ABTB2: variants seen among roughly 807,000 people sequenced by gnomAD.
ABTB2 encodes ankyrin repeat and BTB domain containing 2, also known as ankyrin repeat and BTB/POZ domain-containing protein 2.
In ABTB2, 56 loss-of-function variants were observed where a neutral mutation model predicts 104.1. The ratio of observed to expected loss-of-function variants is 0.54; its 90% CI spans 0.43 to 0.67. The LOEUF is 0.67. Ranked by LOEUF, ABTB2 falls within the 30% of genes least tolerant of loss-of-function variation. The probability of loss-of-function intolerance (pLI) is 0.00; values close to 1 mark genes in which losing one functional copy is unlikely to be tolerated. For missense variants in ABTB2, 1,279 were observed against 1,407.7 expected (o/e 0.91, Z 1.46); for synonymous variants, 606 against 608.2 (o/e 1.00, Z 0.05).
intron 1 of ABTB2, among the ~76,000 whole-genome samples, chr11:34,284,624 G>T (rs554533419): frequency 6.6e-6 from 1 of 152,390 alleles, no homozygotes; most frequent in African/African-American, 2.4e-5. Flanking sequence ...CTTAGGGTGA[G>T]TTGTTGACGG....
At chr11:34,318,713 G>T (rs1030758362) in intron 1 of ABTB2, among the ~76,000 whole-genome samples, 7 of 152,204 alleles carry the variant, frequency 4.6e-5, no homozygotes, top group Admixed American at 2.0e-4. Flanking sequence ...GAGTCCAGAG[G>T]ATTATTTTCC....
intron 1 of ABTB2, among the ~76,000 whole-genome samples, chr11:34,329,469 G>A (rs1249769339): frequency 6.6e-6 from 1 of 152,170 alleles, no homozygotes; most frequent in African/African-American, 2.4e-5. Flanking sequence ...AGGCCATGAG[G>A]GCTCCCAACC....
chr11:34,195,078 G>T lies in ABTB2; in HGVS notation c.1244+2247C>A, dbSNP rs28433394. Among the ~76,000 whole-genome samples, 178 of 99,612 alleles carry T rather than the reference G, an allele frequency of 1.8e-3. 12 individuals carry two copies. Among genetic ancestry groups the T allele is most frequent in the African/African-American group, 5.6e-3 (164 of 29,468 alleles). The allele number at this position is 99,612 out of a possible 152,430, so 65.3% of individuals were successfully genotyped here. A position where few individuals can be genotyped will look rare whatever the true frequency, so the allele number is the denominator to read the frequency against. On this transcript the variant is annotated intron_variant, in intron 3 of 16. Coordinates refer to ENST00000435224, the MANE Select transcript of ABTB2 (RefSeq NM_145804.3). Reference sequence around the variant, plus strand: ...AGGACATGACAAAGATGCCCGGCGGGGGGGGGGAGTGGGGGCGGGAGAAAG... The same window carrying T: ...AGGACATGACAAAGATGCCCGGCGGTGGGGGGGAGTGGGGGCGGGAGAAAG...
rs201189199 is a variant in ABTB2 at position 34,161,162 on chromosome 11, ACTCT to A, written c.2219-85_2219-82del. The stretch of plus-strand genomic sequence containing the variant: ...ACAGACCACAGCCTTTTCTGGGCAG[ACTCT>A]CTCGGGATGCCCCCGCTGTCTGCAG... On this transcript the variant is annotated intron_variant, in intron 10 of 16. Transcript: ENST00000435224. The A allele has an allele frequency of 2.1e-3, 2,861 of 1,371,594 alleles. 46 individuals are homozygous for A. The African/African-American group carries it at 0.034, about 16-fold the overall frequency. The allele number at this position is 1,371,594 out of a possible 1,614,324, so 85.0% of individuals were successfully genotyped here. A position where few individuals can be genotyped will look rare whatever the true frequency, so the allele number is the denominator to read the frequency against.
chr11:34,318,880 G>A (rs1297812668), intron 1 of ABTB2, among the ~76,000 whole-genome samples: 2 of 152,218 alleles, frequency 1.3e-5, no homozygotes, highest in Non-Finnish European at 2.9e-5. Context: ...GAAACAAGAT[G>A]TTTTGATGGA....
chr11:34,335,305 A>C, intron 1 of ABTB2: 2 of 1,194,974 alleles, frequency 1.7e-6, no homozygotes, highest in Non-Finnish European at 2.5e-6. Context: ...ATGGTCCAAA[A>C]AAATGCCAAA....
In ABTB2 at chr11:34,197,511, T is replaced by G; in HGVS notation, c.1058A>C (p.His353Pro). ...GCACAGGGGGTGACGCCCCTGCATG[T>G]GGTGCATGGCACGGGAGACCAAGTC... ...LSDLVSRAMH[H>P]MQGRHPLCPG... The change falls in exon 3 of 17, where the codon CAC becomes CCC. Residue 353 changes from histidine to proline, a missense_variant. Transcript: ENST00000435224. 6.3e-7 allele frequency: 1 copy of G among 1,576,616 alleles called. No homozygotes were observed. Among genetic ancestry groups the G allele is most frequent in the Non-Finnish European group, 8.6e-7 (1 of 1,166,140 alleles).
At chr11:34,176,529 C>T (rs2133020660) in intron 3 of ABTB2, among the ~76,000 whole-genome samples, 1 of 152,304 alleles carries the variant, frequency 6.6e-6, no homozygotes, top group Admixed American at 6.5e-5. Context: ...GTAGTCCCAG[C>T]TACTTGGGAG....
intron 1 of ABTB2, among the ~76,000 whole-genome samples, chr11:34,354,960 T>C (rs1196242428): frequency 6.6e-6 from 1 of 152,186 alleles, no homozygotes; most frequent in Non-Finnish European, 1.5e-5. Flanking sequence ...CTGGAGCTGC[T>C]GTTCCCAGTG....
At chr11:34,241,717 C>A (rs182631223) in intron 1 of ABTB2, among the ~76,000 whole-genome samples, 1,599 of 152,318 alleles carry the variant, frequency 0.01, 13 homozygotes, top group Admixed American at 0.019. Flanking sequence ...GATGGCGAGA[C>A]CCCCATCTCA....
intron 14 of ABTB2, among the ~76,000 whole-genome samples, chr11:34,158,210 C>T (rs753697918): frequency 6.6e-6 from 1 of 152,192 alleles, no homozygotes; most frequent in African/African-American, 2.4e-5. Flanking sequence ...GTTAGAAGAT[C>T]GAGACCATCC....
At chr11:34,196,513 C>T (rs1853258197) in intron 3 of ABTB2, among the ~76,000 whole-genome samples, 1 of 152,164 alleles carries the variant, frequency 6.6e-6, no homozygotes, top group Admixed American at 6.5e-5. Context: ...AAGATTGTGC[C>T]ATTGCACTCC....
chr11:34,217,360 T>C (rs1853562245), intron 1 of ABTB2, among the ~76,000 whole-genome samples: 1 of 152,240 alleles, frequency 6.6e-6, no homozygotes, highest in Non-Finnish European at 1.5e-5. Flanking sequence ...TATCTATCCA[T>C]TCACATATTG....
chr11:34,307,722 G>C (rs2755144), intron 1 of ABTB2, among the ~76,000 whole-genome samples: 1 of 149,682 alleles, frequency 6.7e-6, no homozygotes, highest in South Asian at 2.1e-4. Context: ...TTTTTGAGAC[G>C]GAGTCTCGCT....
At chr11:34,171,924 T>C (rs1288333461) in intron 4 of ABTB2, among the ~76,000 whole-genome samples, 9 of 152,172 alleles carry the variant, frequency 5.9e-5, no homozygotes, top group Middle Eastern at 3.4e-3. Flanking sequence ...ATAATGCCTG[T>C]GTTATAGGGG....
At chr11:34,267,790 A>G (rs572942844) in intron 1 of ABTB2, among the ~76,000 whole-genome samples, 2 of 135,306 alleles carry the variant, frequency 1.5e-5, no homozygotes, top group South Asian at 4.2e-4. Flanking sequence ...TGCCTTGCAC[A>G]CGGGGGTTTT....
intron 3 of ABTB2, among the ~76,000 whole-genome samples, chr11:34,176,712 T>A (rs1165425942): frequency 6.6e-6 from 1 of 152,194 alleles, no homozygotes; most frequent in Non-Finnish European, 1.5e-5. Flanking sequence ...TGGATGAACA[T>A]CAGTAACTTA....
chr11:34,180,281 A>G (rs1037532621), intron 3 of ABTB2, among the ~76,000 whole-genome samples: 3 of 152,242 alleles, frequency 2.0e-5, no homozygotes, highest in African/African-American at 7.2e-5. Flanking sequence ...TGTTTCTGGC[A>G]GTGCAGCCTC....
At chr11:34,161,829 T>C (rs543412020) in intron 10 of ABTB2, among the ~76,000 whole-genome samples, 1 of 152,288 alleles carries the variant, frequency 6.6e-6, no homozygotes, top group Non-Finnish European at 1.5e-5. Context: ...TTGACAGTAG[T>C]GTGGTGTGTT....
Sources: allele counts gnomAD v4.1 joint callset (sites outside exome capture counted in the v4.1 genomes callset), GRCh38; gene constraint gnomAD v4.1.1; transcripts MANE v1.5; gene names NCBI Gene and HGNC (gene_info 2026-07-23, HGNC 2026-07-21).